LEMD2: variants seen among roughly 807,000 people sequenced by gnomAD.
LEMD2 encodes LEM domain-containing protein 2.
Under a neutral mutation model 58.8 loss-of-function variants are expected in LEMD2, and 34 were observed. The ratio of observed to expected loss-of-function variants is 0.58; its 90% CI spans 0.44 to 0.77. The LOEUF (loss-of-function observed/expected upper bound fraction) is 0.77. Ranked by LOEUF, LEMD2 falls within the 30% of genes least tolerant of loss-of-function variation. The pLI is 0.00. For missense variants in LEMD2, 629 were observed against 717.9 expected (o/e 0.88, Z 1.42); for synonymous variants, 298 against 308.9 (o/e 0.96, Z 0.37).
Position 33,778,231 on chromosome 6 carries a change from C to A in LEMD2, c.1156+11G>T. The A allele has an allele frequency of 6.4e-7, 1 of 1,573,476 alleles. No individual in the cohort carries two copies. ...TGCACAGAAGGGGAGGGAAGGCGGC[C>A]GAGGACTTACACCAGAAGAAGATGA... On this transcript the variant is annotated intron_variant, in intron 6 of 8. Transcript: ENST00000293760. The surrounding 1 kb of genome is among the most constrained non-coding windows in gnomAD (Gnocchi z 4.7).
At chr6:33,779,376 T>C (rs1212564426) in intron 5 of LEMD2, 1 of 151,892 alleles carries the variant, frequency 6.6e-6, no homozygotes, top group Non-Finnish European at 1.5e-5. Context: ...AATTAGTAAT[T>C]TGGGTGGATT....
intron 5 of LEMD2, 106 bp downstream of exon 5, chr6:33,779,994 C>T: frequency 1.0e-6 from 1 of 964,100 alleles, no homozygotes; most frequent in Non-Finnish European, 1.6e-6. Flanking sequence ...GACCCAGCCT[C>T]CAGCTTCAGA....
chr6:33,775,194 C>G (rs997205315), intron 8 of LEMD2, among the ~76,000 whole-genome samples: 1 of 152,236 alleles, frequency 6.6e-6, no homozygotes, highest in Non-Finnish European at 1.5e-5. Flanking sequence ...ACAGCAAGCG[C>G]TCCTCAGAGC....
chr6:33,772,617 C>A lies in LEMD2; in HGVS notation c.*11G>T. On this transcript the variant is annotated 3_prime_UTR_variant, in exon 9 of 9. Coordinates refer to ENST00000293760, the MANE Select transcript of LEMD2 (RefSeq NM_181336.4). ...GGACAGGCTGACCGGGAACAAGTCC[C>A]CGCCCGGGGCTTATCGCTCTGAGTC... The A allele has an allele frequency of 6.2e-7, 1 of 1,610,636 alleles. No homozygotes were observed.
chr6:33,784,461 G>A (rs777399662), intron 2 of LEMD2, 34 bp from the exon 3 acceptor site: 14 of 949,344 alleles, frequency 1.5e-5, no homozygotes, highest in Non-Finnish European at 2.0e-5. Context: ...TCAGCAAGGA[G>A]GGGTGGGTGG....
intron 1 of LEMD2, 171 bp from the exon 2 acceptor site, chr6:33,786,945 A>G: frequency 1.4e-6 from 2 of 1,406,114 alleles, no homozygotes; most frequent in African/African-American, 2.9e-5. Context: ...GCAAAATGTA[A>G]GGGTATCCAA....
chr6:33,777,241 T>C lies in LEMD2; in HGVS notation c.1157-2A>G. On this transcript the variant is annotated splice_acceptor_variant, in intron 6 of 8. Coordinates refer to ENST00000293760, the MANE Select transcript of LEMD2 (RefSeq NM_181336.4). LOFTEE classifies it high-confidence loss of function. ...GGAGCCCCCACAAAAAAGCCAAGCC[T>C]GTGAGGGAACAAAACACTGTTAATC... The C allele has an allele frequency of 6.2e-7, 1 of 1,603,914 alleles. No homozygotes were observed. Among genetic ancestry groups the C allele is most frequent in the Non-Finnish European group, 8.5e-7 (1 of 1,170,648 alleles).
chr6:33,786,753 C>T lies in LEMD2; in HGVS notation c.758G>A (p.Cys253Tyr). ...EDNMKLLPVD[C>Y]ERKTDEFCQA... ...ACTCACCTCATCTGTTTTTCTCTCA[C>T]AGTCCACTGGCAATAACTTCACTGA... is the stretch of plus-strand genomic sequence containing the variant. The change falls in exon 2 of 9, where the codon TGT (cysteine) becomes TAT (tyrosine). Residue 253 changes from cysteine to tyrosine, a missense_variant. Cys to Tyr is a radical substitution (Grantham distance 194). Transcript: ENST00000293760. The T allele has an allele frequency of 1.2e-6, 2 of 1,613,812 alleles. No individual in the cohort carries two copies. Among genetic ancestry groups the T allele is most frequent in the Non-Finnish European group, 1.7e-6 (2 of 1,179,836 alleles).
intron 8 of LEMD2, among the ~76,000 whole-genome samples, chr6:33,775,985 G>C (rs756050075): frequency 1.2e-4 from 19 of 152,294 alleles, no homozygotes; most frequent in South Asian, 2.1e-4. Context: ...CCAACACTGG[G>C]GGGGGCCCTG....
rs776977024 is a variant in LEMD2, at chr6:33,777,063, G to A, written c.1259-7C>T. 3.7e-6 allele frequency: 6 copies of A among 1,613,526 alleles called. No individual in the cohort carries two copies. Among genetic ancestry groups the A allele is most frequent in the African/African-American group, 1.3e-5 (1 of 75,048 alleles). ...TAATGGTCCTGGACCACGTCTGCAG[G>A]AGAGAGCACACCATTTAGGGCAAGG... On this transcript the variant is annotated splice_polypyrimidine_tract_variant and splice_region_variant and intron_variant, in intron 7 of 8. Transcript: ENST00000293760.
chr6:33,773,687 C>T (rs536927645), intron 8 of LEMD2, among the ~76,000 whole-genome samples: 28 of 152,254 alleles, frequency 1.8e-4, no homozygotes, highest in East Asian at 9.7e-4. Flanking sequence ...CTGGTCTGGC[C>T]GAGGCCACAC....
Position 33,777,053 on chromosome 6 carries a change from ACGTCTGC to A in LEMD2, c.1259-4_1261del, listed in dbSNP as rs762182851. 2 of 1,613,706 alleles carry A rather than the reference ACGTCTGC, an allele frequency of 1.2e-6. No individual in the cohort carries two copies. The highest frequency in any genetic ancestry group is 1.7e-6 in the Non-Finnish European group (2 of 1,179,698). ...CCAGTCCACGTAATGGTCCTGGACC[ACGTCTGC>A]AGGAGAGAGCACACCATTTAGGGCA... On this transcript the variant is annotated splice_acceptor_variant and splice_polypyrimidine_tract_variant and coding_sequence_variant and intron_variant, in exon 8 of 9. Coordinates refer to ENST00000293760, the MANE Select transcript of LEMD2 (RefSeq NM_181336.4). LOFTEE classifies it high-confidence loss of function.
In LEMD2 at chr6:33,771,588, C is replaced by T. The variant is rs1001145099; in HGVS notation, c.*1040G>A. On this transcript the variant is annotated 3_prime_UTR_variant, in exon 9 of 9. Coordinates refer to ENST00000293760, the MANE Select transcript of LEMD2 (RefSeq NM_181336.4). ...CTTAATAAGGCCCCCCGTCGGGGTG[C>T]TTCTGGAGCCTGCCTCCCAGGGAGC... is the stretch of plus-strand genomic sequence containing the variant. 6.6e-6 allele frequency: 1 copy of T among 152,238 alleles called. No homozygotes were observed. The highest frequency in any genetic ancestry group is 2.4e-5 in the African/African-American group (1 of 41,464). 9.4% of individuals were successfully genotyped at this position (152,238 alleles called of 1,614,324 possible). A position where few individuals can be genotyped will look rare whatever the true frequency, so the allele number is the denominator to read the frequency against.
At chr6:33,781,236 C>A in intron 3 of LEMD2, 83 bp from the exon 4 acceptor site, 1 of 875,262 alleles carries the variant, frequency 1.1e-6, no homozygotes, top group Non-Finnish European at 1.9e-6. Context: ...AAGAATCAAG[C>A]CATCAGCTCT....
In LEMD2 at chr6:33,788,516, C is replaced by G. The variant is rs947721313; in HGVS notation, c.601G>C (p.Glu201Gln). 1 of 1,522,066 alleles carries G rather than the reference C, an allele frequency of 6.6e-7. No individual in the cohort carries two copies. The highest frequency in any genetic ancestry group is 8.8e-7 in the Non-Finnish European group (1 of 1,134,852). 94.3% of individuals were successfully genotyped at this position (1,522,066 alleles called of 1,614,324 possible). ...GPAGAARARP[E>Q]VGRRLERWLS... is the part of the protein sequence containing the mutation. ...CAGCGCTCCAGCCGGCGCCCCACCT[C>G]AGGCCGGGCCCTCGCCGCGCCAGCA... is the stretch of plus-strand genomic sequence containing the variant. Residue 201 changes from glutamate to glutamine, a missense_variant, in exon 1 of 9, where the codon GAG becomes CAG. Glu to Gln is a conservative substitution (Grantham distance 29). Coordinates refer to ENST00000293760, the MANE Select transcript of LEMD2 (RefSeq NM_181336.4).
chr6:33,782,119 T>G (rs1397319553), intron 3 of LEMD2: 1 of 152,236 alleles, frequency 6.6e-6, no homozygotes, highest in African/African-American at 2.4e-5. Context: ...AGGGGTCCCC[T>G]GAGACACAGG....
Position 33,785,969 on chromosome 6 carries a change from G to A in LEMD2, c.777+765C>T, listed in dbSNP as rs187358876. Among the ~76,000 whole-genome samples the A allele has an allele frequency of 1.3e-3, 204 of 152,328 alleles. 2 individuals carry two copies. The highest frequency in any genetic ancestry group is 0.013 in the Admixed American group (198 of 15,302). ...TGCAGGGCTGGCCAGAGGACCATGC[G>A]TCATTTTCTTTCCCAGCCCCTGGGC... is the stretch of plus-strand genomic sequence containing the variant. On this transcript the variant is annotated intron_variant, in intron 2 of 8. Transcript: ENST00000293760.
chr6:33,781,002 C>T (rs1186815903), intron 4 of LEMD2, 75 bp downstream of exon 4: 13 of 1,019,056 alleles, frequency 1.3e-5, no homozygotes, highest in Non-Finnish European at 1.8e-5. Flanking sequence ...AAACAAAAAC[C>T]CCAACAGGGC....
At chr6:33,784,265 A>C in intron 3 of LEMD2, 87 bp downstream of exon 3, 1 of 1,043,616 alleles carries the variant, frequency 9.6e-7, no homozygotes, top group Non-Finnish European at 1.5e-6. Flanking sequence ...CTCGCTGGCC[A>C]GCAGCAGTGT....
Sources: allele counts gnomAD v4.1 joint callset (sites outside exome capture counted in the v4.1 genomes callset), GRCh38; gene constraint gnomAD v4.1.1; non-coding constraint Gnocchi (gnomAD v3.1); transcripts MANE v1.5; gene names NCBI Gene and HGNC (gene_info 2026-07-23, HGNC 2026-07-21).